Variants in SEC14L2 observed in about 807,000 individuals in gnomAD.
SEC14L2 encodes the protein SEC14-like protein 2.
In SEC14L2, 50 loss-of-function variants were observed where a neutral mutation model predicts 56.9. The ratio of observed to expected loss-of-function variants is 0.88; its 90% CI spans 0.70 to 1.11. The LOEUF (loss-of-function observed/expected upper bound fraction) is 1.11. SEC14L2 is among the 50% of genes most tolerant of loss of function. The pLI, the probability that SEC14L2 is intolerant of heterozygous loss-of-function variation, is 0.00. For synonymous variants in SEC14L2, 179 were observed against 188.5 expected, an observed-to-expected ratio of 0.95 and a Z score of 0.41; for missense variants, 414 against 500.7, an observed-to-expected ratio of 0.83 and a Z score of 1.65.
rs1934597234 is a variant in SEC14L2 at position 30,423,947 on chromosome 22, A to G, written c.*1540A>G. 1 of 152,144 alleles carries G rather than the reference A, an allele frequency of 6.6e-6. No homozygotes were observed. The highest frequency in any genetic ancestry group is 1.5e-5 in the Non-Finnish European group (1 of 68,048). The allele number at this position is 152,144 out of a possible 1,614,324, so 9.4% of individuals were successfully genotyped here. A position where few individuals can be genotyped will look rare whatever the true frequency, so the allele number is the denominator to read the frequency against. On this transcript the variant is annotated 3_prime_UTR_variant, in exon 12 of 12. Transcript: ENST00000615189. The stretch of plus-strand genomic sequence containing the variant: ...CGGACCCAGCAGCCGTTTCACGCCA[A>G]TAGATAGGGCGCATGCGCAGAAATC...
At position 30,422,619 on chromosome 22, in the gene SEC14L2, C is replaced by A. The variant is rs981190683; in HGVS notation, c.*212C>A. ...TAAGGAGTCCCCAGGAGCTGGCTGG[C>A]CATCGTGATAGGATCTGTCTGTCCT... is the stretch of plus-strand genomic sequence containing the variant. On this transcript the variant is annotated 3_prime_UTR_variant, in exon 12 of 12. Coordinates refer to ENST00000615189, the MANE Select transcript of SEC14L2 (RefSeq NM_012429.5). 1 of 551,254 alleles carries A rather than the reference C, an allele frequency of 1.8e-6. No homozygotes were observed. Among genetic ancestry groups the A allele is most frequent in the South Asian group, 2.3e-5 (1 of 43,614 alleles). The allele number at this position is 551,254 out of a possible 1,614,324, so 34.1% of individuals were successfully genotyped here. A position where few individuals can be genotyped will look rare whatever the true frequency, so the allele number is the denominator to read the frequency against.
At chr22:30,397,964 C>T (rs1299239502) in intron 1 of SEC14L2, 2 of 457,860 alleles carry the variant, frequency 4.4e-6, no homozygotes, top group Non-Finnish European at 9.0e-6. Context: ...TCTTATCTGT[C>T]ACCCCTGGGG....
chr22:30,415,904 T>A, intron 9 of SEC14L2, 39 bp downstream of exon 9: 1 of 1,614,146 alleles, frequency 6.2e-7, no homozygotes, highest in South Asian at 1.1e-5. Flanking sequence ...CAGGGATGCC[T>A]GGCTCAAATG....
intron 1 of SEC14L2, chr22:30,397,823 C>G (rs748880243): frequency 1.3e-5 from 6 of 470,882 alleles, no homozygotes; most frequent in Non-Finnish European, 2.2e-5. Context: ...ATCCCAGACC[C>G]CTGCCTGGTT....
chr22:30,408,426 T>C (rs1346421569), intron 5 of SEC14L2, among the ~76,000 whole-genome samples: 1 of 151,950 alleles, frequency 6.6e-6, no homozygotes, highest in African/African-American at 2.4e-5. Context: ...AGCCTGTCTC[T>C]ACAAAAAAAA....
intron 8 of SEC14L2, among the ~76,000 whole-genome samples, chr22:30,411,632 G>C (rs1934249964): frequency 6.6e-6 from 1 of 150,946 alleles, no homozygotes; most frequent in Non-Finnish European, 1.5e-5. Flanking sequence ...TGTAATCCCA[G>C]CTACTTGGGA....
Position 30,422,513 on chromosome 22 carries a change from G to T in SEC14L2, c.*106G>T. On this transcript the variant is annotated 3_prime_UTR_variant, in exon 12 of 12. Transcript: ENST00000615189. ...CCCTGAAGCCCAAAGAAACTGGGCT[G>T]GAGGACAGACCTCAGGAGCTTTCAT... 7.0e-7 allele frequency: 1 copy of T among 1,420,900 alleles called. No homozygotes were observed. Among genetic ancestry groups the T allele is most frequent in the Non-Finnish European group, 9.6e-7 (1 of 1,040,990 alleles). 88.0% of individuals were successfully genotyped at this position (1,420,900 alleles called of 1,614,324 possible).
At chr22:30,419,007 G>A (rs1360174608) in intron 11 of SEC14L2, among the ~76,000 whole-genome samples, 5 of 152,168 alleles carry the variant, frequency 3.3e-5, no homozygotes, top group Non-Finnish European at 7.3e-5. Context: ...TATTTACCAA[G>A]GGCCTACTGA....
intron 1 of SEC14L2, among the ~76,000 whole-genome samples, chr22:30,399,442 G>A (rs1184519786): frequency 1.3e-5 from 2 of 150,398 alleles, no homozygotes; most frequent in Non-Finnish European, 3.0e-5. Context: ...GTGAACCCGG[G>A]AGGCAGAGCT....
chr22:30,408,142 A>G (rs986564523), intron 5 of SEC14L2, among the ~76,000 whole-genome samples: 3 of 151,982 alleles, frequency 2.0e-5, no homozygotes, highest in African/African-American at 7.3e-5. Context: ...AATTGAATAA[A>G]TTTAGCTTCA....
rs1016523532 is a variant in SEC14L2, at chr22:30,416,383, C to T, written c.1061C>T (p.Thr354Ile). 18 of 1,614,120 alleles carry T rather than the reference C, an allele frequency of 1.1e-5. No homozygotes were observed. Among genetic ancestry groups the T allele is most frequent in the Non-Finnish European group, 1.4e-5 (17 of 1,180,054 alleles). ...CTGGTCCCTGAAGATGGGACCCTCA[C>T]CTGCAGTGATCCTGGCATCTGTAAG... is the stretch of plus-strand genomic sequence containing the variant. The part of the protein sequence containing the change: ...SHLVPEDGTL[T>I]CSDPGIYVLR... Residue 354 changes from threonine (T) to isoleucine (I), a missense_variant, in exon 11 of 12, where the codon ACC (threonine) becomes ATC (isoleucine). Transcript: ENST00000615189.
In SEC14L2 at chr22:30,423,906, G is replaced by A. The variant is rs1934593864; in HGVS notation, c.*1499G>A. 6.6e-6 allele frequency: 1 copy of A among 152,310 alleles called. No individual in the cohort carries two copies. Among genetic ancestry groups the A allele is most frequent in the Non-Finnish European group, 1.5e-5 (1 of 68,080 alleles). The allele number at this position is 152,310 out of a possible 1,614,324, so 9.4% of individuals were successfully genotyped here. ...CTCTCACTCAAGAGGCCCAAACTCA[G>A]ACGGCGTCAGGGACCCGGACCCAGC... On this transcript the variant is annotated 3_prime_UTR_variant, in exon 12 of 12. Transcript: ENST00000615189.
In SEC14L2 at chr22:30,407,086, T is replaced by A; in HGVS notation, c.175-9T>A. On this transcript the variant is annotated splice_polypyrimidine_tract_variant and intron_variant, in intron 3 of 11. Transcript: ENST00000615189. ...TCCTTTTAAAAATTTCCCCATTGTA[T>A]CTTTGTAGCATGTGGAGTTCCGAAA... The A allele has an allele frequency of 6.2e-7, 1 of 1,613,594 alleles. No homozygotes were observed.
chr22:30,406,461 T>TC, intron 3 of SEC14L2, 76 bp downstream of exon 3: 1 of 1,431,818 alleles, frequency 7.0e-7, no homozygotes, highest in Non-Finnish European at 9.8e-7. Flanking sequence ...TTGCCGCACC[T>TC]CCCATCCCAA....
At chr22:30,405,660 G>A (rs968807729) in intron 2 of SEC14L2, among the ~76,000 whole-genome samples, 1 of 152,040 alleles carries the variant, frequency 6.6e-6, no homozygotes, top group Non-Finnish European at 1.5e-5. Context: ...AGATTACAGG[G>A]GCAGCTATAT....
intron 3 of SEC14L2, 152 bp downstream of exon 3, chr22:30,406,537 TC>T: frequency 1.4e-6 from 1 of 716,322 alleles, no homozygotes. Context: ...CAAATTGCAT[TC>T]CCTTCCCTGG....
At chr22:30,416,537 C>A in intron 11 of SEC14L2, 134 bp downstream of exon 11, 1 of 1,544,580 alleles carries the variant, frequency 6.5e-7, no homozygotes, top group East Asian at 2.4e-5. Context: ...CAATCCTCTC[C>A]TTGTATAGAT....
intron 8 of SEC14L2, among the ~76,000 whole-genome samples, chr22:30,412,821 C>T (rs141044908): frequency 1.5e-5 from 2 of 135,580 alleles, no homozygotes; most frequent in South Asian, 4.8e-4. Context: ...AAAACCCTGT[C>T]TCAAAAAAAA....
Position 30,406,367 on chromosome 22 carries a change from G to T in SEC14L2, c.156G>T (p.Ser52=). The change falls in exon 3 of 12, where the codon TCG becomes TCT. Residue 52 remains serine, a synonymous_variant. Coordinates refer to ENST00000615189, the MANE Select transcript of SEC14L2 (RefSeq NM_012429.5). ...LRARSFDLQK[S]EAMLRKHVEF... The stretch of plus-strand genomic sequence containing the variant: ...CCAGAAGCTTCGACCTGCAGAAGTC[G>T]GAGGCCATGCTCCGGAAGGTGAGAC... 6.2e-7 allele frequency: 1 copy of T among 1,614,002 alleles called. No homozygotes were observed. Among genetic ancestry groups the T allele is most frequent in the Non-Finnish European group, 8.5e-7 (1 of 1,179,936 alleles).
Sources: allele counts gnomAD v4.1 joint callset (sites outside exome capture counted in the v4.1 genomes callset), GRCh38; gene constraint gnomAD v4.1.1; transcripts MANE v1.5; gene names NCBI Gene and HGNC (gene_info 2026-07-23, HGNC 2026-07-21).